The following NTN4 variants were observed in gnomAD, a reference collection of about 807,000 sequenced individuals.
The protein encoded by NTN4 is netrin 4.
A neutral mutation model predicts 73.6 loss-of-function variants in NTN4; 32 were observed. The observed-to-expected ratio is 0.44, with a 90% CI of 0.33 to 0.58. The LOEUF (loss-of-function observed/expected upper bound fraction) is 0.58. Ranked by LOEUF, NTN4 falls within the 20% of genes least tolerant of loss-of-function variation. NTN4 has a pLI of 0.04. For missense variants in NTN4, 654 were observed against 798.3 expected (o/e 0.82, Z 2.18); for synonymous variants, 258 against 287.5 (o/e 0.90, Z 1.04).
At chr12:95,713,976 T>C (rs2078586853) in intron 3 of NTN4, among the ~76,000 whole-genome samples, 1 of 152,098 alleles carries the variant, frequency 6.6e-6, no homozygotes, top group African/African-American at 2.4e-5. Flanking sequence ...TTTGAGTGCA[T>C]CTTTAATTAT....
At chr12:95,667,116 A>G (rs940088382) in intron 8 of NTN4, among the ~76,000 whole-genome samples, 21 of 152,268 alleles carry the variant, frequency 1.4e-4, no homozygotes, top group East Asian at 5.8e-4. Context: ...AAGTAATGGA[A>G]TAATTTGGGG....
At chr12:95,665,528 T>C (rs576326768) in intron 9 of NTN4, among the ~76,000 whole-genome samples, 24 of 152,230 alleles carry the variant, frequency 1.6e-4, no homozygotes, top group Non-Finnish European at 2.6e-4. Context: ...AAGTGCTTTC[T>C]ATGCAACTGG....
chr12:95,696,264 T>C (rs1401938417), intron 5 of NTN4, among the ~76,000 whole-genome samples: 2 of 152,200 alleles, frequency 1.3e-5, no homozygotes. Context: ...TTTACTTGGG[T>C]AAATTTATTT....
intron 7 of NTN4, among the ~76,000 whole-genome samples, chr12:95,674,848 A>G (rs1000687892): frequency 1.3e-5 from 2 of 152,212 alleles, no homozygotes; most frequent in African/African-American, 4.8e-5. Flanking sequence ...TCACAGACCT[A>G]ACAGCTGCTG....
At chr12:95,775,941 C>T (rs868001369) in intron 2 of NTN4, among the ~76,000 whole-genome samples, 5 of 152,304 alleles carry the variant, frequency 3.3e-5, no homozygotes, top group African/African-American at 1.2e-4. Context: ...CTCACACGGC[C>T]GGGTACTCCT....
At chr12:95,695,053 G>A (rs1362016997) in intron 5 of NTN4, among the ~76,000 whole-genome samples, 2 of 151,964 alleles carry the variant, frequency 1.3e-5, no homozygotes, top group Non-Finnish European at 2.9e-5. Context: ...GTTTGAACCT[G>A]GGAGGTGAAG....
chr12:95,775,520 C>T (rs1275529820), intron 2 of NTN4, among the ~76,000 whole-genome samples: 2 of 152,392 alleles, frequency 1.3e-5, no homozygotes, highest in African/African-American at 4.8e-5. Context: ...GCAAACGGCA[C>T]ACCAGGAGAT....
At chr12:95,666,520 A>G (rs372443807) in intron 8 of NTN4, among the ~76,000 whole-genome samples, 3 of 152,324 alleles carry the variant, frequency 2.0e-5, no homozygotes, top group South Asian at 2.1e-4. Context: ...CTTATTTGTT[A>G]GGCAATTTCA....
intron 2 of NTN4, among the ~76,000 whole-genome samples, chr12:95,745,286 T>TA (rs2078854102): frequency 6.6e-6 from 1 of 152,196 alleles, no homozygotes. Flanking sequence ...CAACTACATG[T>TA]ACCAAATTGC....
intron 3 of NTN4, 53 bp from the exon 4 acceptor site, chr12:95,713,391 C>A: frequency 6.7e-7 from 1 of 1,502,104 alleles, no homozygotes; most frequent in Non-Finnish European, 9.0e-7. Context: ...CAAAGAAGAA[C>A]AGAACATGCT....
intron 3 of NTN4, among the ~76,000 whole-genome samples, chr12:95,736,070 C>G (rs902936743): frequency 6.6e-6 from 1 of 151,808 alleles, no homozygotes; most frequent in Non-Finnish European, 1.5e-5. Context: ...TCTCGAGCAG[C>G]AGGGAATACA....
At chr12:95,744,094 G>A (rs956870361) in intron 2 of NTN4, among the ~76,000 whole-genome samples, 1 of 152,008 alleles carries the variant, frequency 6.6e-6, no homozygotes, top group Non-Finnish European at 1.5e-5. Context: ...TAGAGATGGG[G>A]TTTCACTATC....
At chr12:95,704,385 G>T (rs1237262867) in intron 5 of NTN4, among the ~76,000 whole-genome samples, 1 of 152,038 alleles carries the variant, frequency 6.6e-6, no homozygotes, top group Non-Finnish European at 1.5e-5. Context: ...GAAATAATGG[G>T]GGGAAAACAT....
chr12:95,761,695 C>A (rs1260747821), intron 2 of NTN4, among the ~76,000 whole-genome samples: 1 of 152,136 alleles, frequency 6.6e-6, no homozygotes. Flanking sequence ...CCTAGGTTGT[C>A]TAATTTACCT....
intron 2 of NTN4, among the ~76,000 whole-genome samples, chr12:95,777,528 A>G (rs377243072): frequency 6.6e-6 from 1 of 152,216 alleles, no homozygotes; most frequent in African/African-American, 2.4e-5. Context: ...CTGATAAAAC[A>G]GACTTTAAAC....
chr12:95,765,000 C>T (rs187688087), intron 2 of NTN4, among the ~76,000 whole-genome samples: 1 of 152,334 alleles, frequency 6.6e-6, no homozygotes, highest in East Asian at 1.9e-4. Flanking sequence ...TGTTCACTCA[C>T]TCACTGTAGA....
At chr12:95,746,019 C>A (rs890400105) in intron 2 of NTN4, among the ~76,000 whole-genome samples, 1 of 152,180 alleles carries the variant, frequency 6.6e-6, no homozygotes, top group Non-Finnish European at 1.5e-5. Context: ...TTTTTACTAA[C>A]CCTGTTCTTA....
chr12:95,772,741 G>A (rs777178183), intron 2 of NTN4, among the ~76,000 whole-genome samples: 1 of 152,156 alleles, frequency 6.6e-6, no homozygotes, highest in Admixed American at 6.5e-5. Context: ...GTCAGCAAAT[G>A]CTGTTGGCTC....
intron 2 of NTN4, among the ~76,000 whole-genome samples, chr12:95,746,090 TAA>T (rs755626027): frequency 1.3e-5 from 2 of 152,148 alleles, no homozygotes; most frequent in Non-Finnish European, 2.9e-5. Context: ...CTCCCTTAGC[TAA>T]GAGAGCCAGA....
Sources: gnomAD v4.1 joint callset for allele counts (sites outside exome capture counted in the v4.1 genomes callset) on GRCh38, gnomAD v4.1.1 for gene constraint, MANE v1.5 for transcripts, NCBI Gene and HGNC (gene_info 2026-07-23, HGNC 2026-07-21) for gene names.